LRRTM4: variants seen among roughly 807,000 people sequenced by gnomAD.
The protein encoded by LRRTM4 is leucine rich repeat transmembrane neuronal 4, also known as leucine-rich repeat transmembrane neuronal protein 4.
A neutral mutation model predicts 47.6 loss-of-function variants in LRRTM4; 25 were observed. The observed-to-expected ratio is 0.53, with a 90% confidence interval of 0.38 to 0.73. The LOEUF (loss-of-function observed/expected upper bound fraction) is 0.73, where lower values mean the gene tolerates loss of function less well. Ranked by LOEUF, LRRTM4 falls within the 30% of genes least tolerant of loss-of-function variation. The pLI is 0.00. For missense variants in LRRTM4, 638 were observed against 713.4 expected (o/e 0.89, Z 1.20); for synonymous variants, 311 against 269.5 (o/e 1.15, Z -1.51).
At chr2:76,935,978 T>A (rs1443152945) in intron 3 of LRRTM4, among the ~76,000 whole-genome samples, 1 of 152,236 alleles carries the variant, frequency 6.6e-6, no homozygotes, top group African/African-American at 2.4e-5. Context: ...GCTATGAGTT[T>A]ACACTGTTGG....
intron 3 of LRRTM4, among the ~76,000 whole-genome samples, chr2:77,193,741 C>T (rs547366083): frequency 6.0e-4 from 92 of 152,268 alleles, no homozygotes; most frequent in African/African-American, 2.0e-3. Flanking sequence ...GCGGGCATTG[C>T]ACTCCGGCCT....
At chr2:77,338,800 G>C (rs183237580) in intron 3 of LRRTM4, among the ~76,000 whole-genome samples, 1 of 151,914 alleles carries the variant, frequency 6.6e-6, no homozygotes, top group Non-Finnish European at 1.5e-5. Context: ...ACCTGCACTC[G>C]TATGTTTATT....
chr2:77,506,404 C>T (rs539803386), intron 3 of LRRTM4, among the ~76,000 whole-genome samples: 2 of 151,494 alleles, frequency 1.3e-5, no homozygotes, highest in Middle Eastern at 3.4e-3. Context: ...TGTAAGAAAA[C>T]ATAATGAATA....
intron 3 of LRRTM4, among the ~76,000 whole-genome samples, chr2:77,154,508 C>T (rs1271629779): frequency 1.3e-5 from 2 of 151,992 alleles, no homozygotes; most frequent in East Asian, 3.9e-4. Flanking sequence ...TGGGCACTTT[C>T]TAAAACTGCT....
chr2:76,786,600 A>C (rs1674687037), intron 3 of LRRTM4, among the ~76,000 whole-genome samples: 3 of 152,120 alleles, frequency 2.0e-5, no homozygotes, highest in Non-Finnish European at 4.4e-5. Context: ...AAGAAAACCA[A>C]AACAAAGCTA....
chr2:77,179,584 G>C (rs1369349345), intron 3 of LRRTM4, among the ~76,000 whole-genome samples: 2 of 152,016 alleles, frequency 1.3e-5, no homozygotes, highest in Non-Finnish European at 2.9e-5. Context: ...TTAAGGTTTA[G>C]GGGTTTAATG....
intron 3 of LRRTM4, among the ~76,000 whole-genome samples, chr2:77,124,032 A>G (rs1671588901): frequency 6.6e-6 from 1 of 152,174 alleles, no homozygotes. Flanking sequence ...GCTAAGGATC[A>G]GTAATGTGTG....
chr2:76,755,287 C>T (rs1443525955), intron 3 of LRRTM4, among the ~76,000 whole-genome samples: 1 of 152,082 alleles, frequency 6.6e-6, no homozygotes, highest in Non-Finnish European at 1.5e-5. Flanking sequence ...TCCCAGACAA[C>T]TAAAAATTGA....
chr2:77,219,604 C>G (rs1251317187), intron 3 of LRRTM4, among the ~76,000 whole-genome samples: 1 of 152,162 alleles, frequency 6.6e-6, no homozygotes. Flanking sequence ...TTGGGAAGAC[C>G]TTTACCACAG....
At chr2:76,862,316 A>C (rs2104013403) in intron 3 of LRRTM4, among the ~76,000 whole-genome samples, 1 of 152,290 alleles carries the variant, frequency 6.6e-6, no homozygotes, top group South Asian at 2.1e-4. Context: ...GGCTTGAATT[A>C]AATGGCAATT....
chr2:77,091,679 C>G (rs1376275092), intron 3 of LRRTM4, among the ~76,000 whole-genome samples: 1 of 149,366 alleles, frequency 6.7e-6, no homozygotes, highest in Non-Finnish European at 1.5e-5. Context: ...TTCGCTTTCA[C>G]TTGGACTGAC....
At chr2:77,220,337 C>G (rs578236262) in intron 3 of LRRTM4, among the ~76,000 whole-genome samples, 1 of 152,144 alleles carries the variant, frequency 6.6e-6, no homozygotes, top group African/African-American at 2.4e-5. Flanking sequence ...TCACCAGCAA[C>G]GGAACAAAGC....
chr2:77,184,943 T>C (rs534716525), intron 3 of LRRTM4, among the ~76,000 whole-genome samples: 1 of 152,212 alleles, frequency 6.6e-6, no homozygotes, highest in South Asian at 2.1e-4. Context: ...TGCTAGTGCC[T>C]GAGCCACAGA....
At chr2:76,776,766 G>C (rs1314555202) in intron 3 of LRRTM4, among the ~76,000 whole-genome samples, 4 of 143,700 alleles carry the variant, frequency 2.8e-5, no homozygotes, top group Non-Finnish European at 4.6e-5. Flanking sequence ...AGTTTAATTA[G>C]ATCCCATTTG....
At chr2:76,935,459 G>A (rs1311042923) in intron 3 of LRRTM4, among the ~76,000 whole-genome samples, 1 of 152,032 alleles carries the variant, frequency 6.6e-6, no homozygotes, top group South Asian at 2.1e-4. Context: ...CCATTTTCAC[G>A]ATACTGAGTC....
intron 3 of LRRTM4, among the ~76,000 whole-genome samples, chr2:76,927,076 G>T (rs1467543783): frequency 3.3e-5 from 5 of 152,054 alleles, no homozygotes; most frequent in Non-Finnish European, 7.4e-5. Context: ...TATGACATTT[G>T]GATTTTTGGT....
intron 3 of LRRTM4, among the ~76,000 whole-genome samples, chr2:76,910,351 T>TG (rs1301751893): frequency 8.7e-5 from 4 of 46,002 alleles, no homozygotes; most frequent in African/African-American, 8.9e-5. Flanking sequence ...TGTTGTGGGG[T>TG]GGGGGGAGGG....
intron 3 of LRRTM4, among the ~76,000 whole-genome samples, chr2:76,869,002 T>A (rs544264973): frequency 1.2e-4 from 18 of 152,058 alleles, no homozygotes; most frequent in African/African-American, 4.3e-4. Context: ...GGGTTTTGTG[T>A]TTTAAAAGCT....
chr2:76,906,653 T>C (rs896217551), intron 3 of LRRTM4, among the ~76,000 whole-genome samples: 7 of 151,876 alleles, frequency 4.6e-5, no homozygotes, highest in African/African-American at 1.7e-4. Flanking sequence ...TGGAGGAAGA[T>C]CTACCAAGCC....
Sources: gnomAD v4.1 joint callset for allele counts (sites outside exome capture counted in the v4.1 genomes callset) on GRCh38, gnomAD v4.1.1 for gene constraint, MANE v1.5 for transcripts, NCBI Gene and HGNC (gene_info 2026-07-23, HGNC 2026-07-21) for gene names.